Variants in GRM5 observed in about 807,000 individuals in gnomAD.
The protein encoded by GRM5 is glutamate metabotropic receptor 5.
In GRM5, 19 loss-of-function variants were observed where a neutral mutation model predicts 83.1. That is an observed-to-expected ratio of 0.23 (90% CI 0.16 to 0.34). The LOEUF (loss-of-function observed/expected upper bound fraction) is 0.34, where lower values mean the gene tolerates loss of function less well. GRM5 is among the 10% of genes least tolerant of loss of function. The probability of loss-of-function intolerance (pLI) is 1.00; values close to 1 mark genes in which losing one functional copy is unlikely to be tolerated. For synonymous variants in GRM5, 675 were observed against 633.6 expected, an observed-to-expected ratio of 1.07 and a Z score of -0.98; for missense variants, 1,160 against 1,588.3, an observed-to-expected ratio of 0.73 and a Z score of 4.58.
chr11:88,968,668 C>T (rs1255802287), intron 2 of GRM5, among the ~76,000 whole-genome samples: 2 of 151,862 alleles, frequency 1.3e-5, no homozygotes, highest in Non-Finnish European at 2.9e-5. Context: ...AGAGTAAGTC[C>T]CTGTCTCTAA....
intron 3 of GRM5, among the ~76,000 whole-genome samples, chr11:88,796,957 G>A (rs1283973802): frequency 6.7e-6 from 1 of 148,612 alleles, no homozygotes; most frequent in Non-Finnish European, 1.5e-5. Context: ...AACAAGCATA[G>A]TTTTATTACA....
chr11:88,727,850 C>T (rs6483402), intron 3 of GRM5, among the ~76,000 whole-genome samples: 88,554 of 151,982 alleles, frequency 0.58, 27,857 homozygotes, highest in South Asian at 0.8. Flanking sequence ...AAAGACACAA[C>T]GTACCAGAAT....
At chr11:88,800,185 T>C (rs1282562808) in intron 3 of GRM5, among the ~76,000 whole-genome samples, 3 of 152,128 alleles carry the variant, frequency 2.0e-5, no homozygotes, top group African/African-American at 4.8e-5. Context: ...GATGAAGAAA[T>C]TGAGGCTTAA....
chr11:88,791,128 T>C (rs953264743), intron 3 of GRM5, among the ~76,000 whole-genome samples: 3 of 152,196 alleles, frequency 2.0e-5, no homozygotes, highest in Non-Finnish European at 2.9e-5. Flanking sequence ...ACAGGATTTA[T>C]TCCTTAATTA....
intron 3 of GRM5, among the ~76,000 whole-genome samples, chr11:88,710,763 T>G (rs1290464127): frequency 6.6e-6 from 1 of 151,940 alleles, no homozygotes; most frequent in Non-Finnish European, 1.5e-5. Context: ...GCAGTGAGAT[T>G]GAGAAGGTGC....
intron 9 of GRM5, among the ~76,000 whole-genome samples, chr11:88,515,492 A>G (rs573970699): frequency 1.3e-5 from 2 of 152,152 alleles, no homozygotes; most frequent in Non-Finnish European, 2.9e-5. Context: ...GAAATGATAA[A>G]TGTTTGTGGT....
intron 2 of GRM5, among the ~76,000 whole-genome samples, chr11:88,965,773 G>T (rs376032973): frequency 1.3e-5 from 2 of 152,096 alleles, no homozygotes; most frequent in Non-Finnish European, 2.9e-5. Flanking sequence ...GTACATAAAG[G>T]AGACATATAC....
chr11:88,907,079 G>A (rs781418736), intron 2 of GRM5, among the ~76,000 whole-genome samples: 2 of 151,900 alleles, frequency 1.3e-5, no homozygotes, highest in East Asian at 1.9e-4. Flanking sequence ...TCAATTTCTC[G>A]GTGTTCTATT....
chr11:89,016,810 A>G (rs962850867), intron 2 of GRM5, among the ~76,000 whole-genome samples: 14 of 152,294 alleles, frequency 9.2e-5, no homozygotes, highest in African/African-American at 3.4e-4. Context: ...GGGATAGGAT[A>G]AAACAGTCAG....
At chr11:88,746,977 AT>A (rs35074914) in intron 3 of GRM5, among the ~76,000 whole-genome samples, 22,600 of 152,150 alleles carry the variant, frequency 0.15, 1,970 homozygotes, top group African/African-American at 0.23. Context: ...ATTTTTAAAA[AT>A]GTCATATATT....
chr11:88,578,277 T>C (rs769959906), intron 7 of GRM5, among the ~76,000 whole-genome samples: 2 of 152,144 alleles, frequency 1.3e-5, no homozygotes, highest in Non-Finnish European at 2.9e-5. Flanking sequence ...TCATATAATA[T>C]ATCAATGCTT....
chr11:88,869,860 A>G lies in GRM5; in HGVS notation c.662-19705T>C, dbSNP rs1427027939. Among the ~76,000 whole-genome samples the G allele has an allele frequency of 6.6e-5, 10 of 151,642 alleles. No homozygotes were observed. The Admixed American group carries it at 6.6e-4, about 10-fold the overall frequency. On this transcript the variant is annotated intron_variant, in intron 2 of 9. Transcript: ENST00000305447. Reference sequence around the variant, plus strand: ...GGTGTAAGGAGGTAAATCTGTCAGTATAAAATCCCTGGTTATATTTTTTTA... The same window carrying G: ...GGTGTAAGGAGGTAAATCTGTCAGTGTAAAATCCCTGGTTATATTTTTTTA...
intron 4 of GRM5, among the ~76,000 whole-genome samples, chr11:88,626,310 G>A (rs1340687500): frequency 1.3e-5 from 2 of 152,178 alleles, no homozygotes; most frequent in Non-Finnish European, 2.9e-5. Flanking sequence ...TTTCACAGAT[G>A]TAAAACGTGA....
chr11:88,539,791 G>A (rs892456538), intron 8 of GRM5, among the ~76,000 whole-genome samples: 1 of 151,984 alleles, frequency 6.6e-6, no homozygotes, highest in Non-Finnish European at 1.5e-5. Flanking sequence ...TGCGATTTAG[G>A]CTGGATTTGA....
chr11:88,692,104 A>G (rs988622098), intron 3 of GRM5, among the ~76,000 whole-genome samples: 1 of 152,180 alleles, frequency 6.6e-6, no homozygotes, highest in African/African-American at 2.4e-5. Context: ...TAAAGTCTCA[A>G]TGTTCAGCTC....
intron 3 of GRM5, among the ~76,000 whole-genome samples, chr11:88,737,099 T>C (rs1941929971): frequency 6.6e-6 from 1 of 152,074 alleles, no homozygotes; most frequent in Non-Finnish European, 1.5e-5. Context: ...ACATACTGTG[T>C]TGAGACCTAG....
At chr11:88,676,084 T>C (rs561878834) in intron 3 of GRM5, among the ~76,000 whole-genome samples, 1 of 152,156 alleles carries the variant, frequency 6.6e-6, no homozygotes, top group Admixed American at 6.6e-5. Flanking sequence ...AAAGTCAAAG[T>C]ATTTTATCCT....
At chr11:88,544,076 C>CTCACACAT (rs879521113) in intron 8 of GRM5, among the ~76,000 whole-genome samples, 18 of 151,982 alleles carry the variant, frequency 1.2e-4, no homozygotes, top group African/African-American at 3.9e-4. Context: ...CTCTCTCTCT[C>CTCACACAT]ACACACACAC....
intron 2 of GRM5, among the ~76,000 whole-genome samples, chr11:88,984,159 A>G (rs1207326826): frequency 1.3e-5 from 2 of 152,198 alleles, no homozygotes; most frequent in South Asian, 2.1e-4. Flanking sequence ...AGTCCACAGT[A>G]GTACAGAGTA....
Sources: gnomAD v4.1 joint callset for allele counts (sites outside exome capture counted in the v4.1 genomes callset) on GRCh38, gnomAD v4.1.1 for gene constraint, MANE v1.5 for transcripts, NCBI Gene and HGNC (gene_info 2026-07-23, HGNC 2026-07-21) for gene names.